PTPRD: variants seen among roughly 807,000 people sequenced by gnomAD.
The protein encoded by PTPRD is protein tyrosine phosphatase receptor type D, also known as receptor-type tyrosine-protein phosphatase delta.
Under a neutral mutation model 214.5 loss-of-function variants are expected in PTPRD, and 34 were observed. The observed-to-expected ratio is 0.16, with a 90% CI of 0.12 to 0.21. PTPRD has a LOEUF of 0.21. Ranked by LOEUF, PTPRD falls within the 10% of genes least tolerant of loss-of-function variation. The probability of loss-of-function intolerance (pLI) is 1.00; values close to 1 mark genes in which losing one functional copy is unlikely to be tolerated. For missense variants in PTPRD, 2,545 were observed against 2,398.7 expected (o/e 1.06, Z -1.27); for synonymous variants, 1,128 against 845.7 (o/e 1.33, Z -5.79).
chr9:8,701,807 C>T (rs766757209), intron 12 of PTPRD, among the ~76,000 whole-genome samples: 40 of 152,228 alleles, frequency 2.6e-4, no homozygotes, highest in South Asian at 1.0e-3. Flanking sequence ...TCAGTTACTG[C>T]CACCATTAAA....
intron 5 of PTPRD, among the ~76,000 whole-genome samples, chr9:9,824,781 G>C (rs1451914268): frequency 6.6e-6 from 1 of 152,042 alleles, no homozygotes; most frequent in African/African-American, 2.4e-5. Flanking sequence ...TTCAATACAA[G>C]TTGTATTAAT....
intron 6 of PTPRD, among the ~76,000 whole-genome samples, chr9:9,755,819 T>C (rs981657941): frequency 6.6e-5 from 10 of 152,040 alleles, no homozygotes; most frequent in African/African-American, 2.4e-4. Context: ...ATTATTCAAT[T>C]TATATAAAAT....
chr9:8,331,909 CCACACT>C (rs1841649810), intron 43 of PTPRD, among the ~76,000 whole-genome samples, 173 bp from the exon 44 acceptor site: 1 of 150,712 alleles, frequency 6.6e-6, no homozygotes, highest in African/African-American at 2.5e-5. Context: ...TAAATATTGT[CCACACT>C]CACATACCTT....
intron 5 of PTPRD, among the ~76,000 whole-genome samples, chr9:9,920,992 A>G (rs560744481): frequency 3.3e-4 from 50 of 152,210 alleles, no homozygotes; most frequent in African/African-American, 1.2e-3. Flanking sequence ...AAGGCTTATC[A>G]ATTCATTACT....
At chr9:10,547,403 T>C (rs833454) in intron 2 of PTPRD, among the ~76,000 whole-genome samples, 20,769 of 151,868 alleles carry the variant, frequency 0.14, 2,101 homozygotes, top group East Asian at 0.5. Context: ...CTCCAGTAGA[T>C]ACACAAAGAT....
chr9:9,712,666 G>C (rs553974662), intron 7 of PTPRD, among the ~76,000 whole-genome samples: 58 of 152,184 alleles, frequency 3.8e-4, no homozygotes, highest in Middle Eastern at 6.8e-3. Context: ...AACTACAATG[G>C]ATTATAATAC....
At chr9:9,624,984 A>G (rs1465421710) in intron 7 of PTPRD, among the ~76,000 whole-genome samples, 2 of 152,224 alleles carry the variant, frequency 1.3e-5, no homozygotes, top group African/African-American at 4.8e-5. Context: ...AGAAAAATAA[A>G]TACTTGCCTT....
At chr9:9,388,005 C>G (rs1015944444) in intron 9 of PTPRD, among the ~76,000 whole-genome samples, 3 of 152,144 alleles carry the variant, frequency 2.0e-5, no homozygotes, top group Admixed American at 1.3e-4. Context: ...AGAGGGATTT[C>G]TGTATCCCGG....
intron 8 of PTPRD, among the ~76,000 whole-genome samples, chr9:9,540,080 GA>G (rs1229158599): frequency 6.6e-6 from 1 of 151,596 alleles, no homozygotes. Flanking sequence ...ATTATACAAA[GA>G]AATCCACTAA....
intron 9 of PTPRD, among the ~76,000 whole-genome samples, chr9:9,326,950 C>T (rs4567093): frequency 0.74 from 112,429 of 151,796 alleles, 41,862 homozygotes; most frequent in East Asian, 0.91. Flanking sequence ...TAACAGTGTC[C>T]TAGTCACTAT....
At chr9:8,443,294 T>G (rs1013624748) in intron 34 of PTPRD, among the ~76,000 whole-genome samples, 22 of 152,218 alleles carry the variant, frequency 1.4e-4, no homozygotes, top group African/African-American at 4.6e-4. Context: ...GTCATATGCC[T>G]AAATTCCTTA....
At chr9:9,037,285 A>C (rs2099625041) in intron 10 of PTPRD, among the ~76,000 whole-genome samples, 3 of 152,142 alleles carry the variant, frequency 2.0e-5, no homozygotes, top group Non-Finnish European at 2.9e-5. Context: ...CTGATTTGTC[A>C]AAAGTTTCGC....
chr9:9,165,443 A>G (rs1209250637), intron 10 of PTPRD, among the ~76,000 whole-genome samples: 1 of 152,216 alleles, frequency 6.6e-6, no homozygotes, highest in Non-Finnish European at 1.5e-5. Context: ...AGGTGAAGAC[A>G]TAATTAGAGC....
chr9:8,875,047 T>C (rs1321139069), intron 11 of PTPRD, among the ~76,000 whole-genome samples: 1 of 152,166 alleles, frequency 6.6e-6, no homozygotes, highest in Non-Finnish European at 1.5e-5. Flanking sequence ...TGCACAACCA[T>C]ACATGGATGC....
chr9:9,679,835 C>T (rs1173546873), intron 7 of PTPRD, among the ~76,000 whole-genome samples: 1 of 151,792 alleles, frequency 6.6e-6, no homozygotes, highest in African/African-American at 2.4e-5. Flanking sequence ...AGAAAATCTG[C>T]CAATCTTCCT....
chr9:10,036,123 C>T (rs1045472504), intron 3 of PTPRD, among the ~76,000 whole-genome samples: 3 of 152,026 alleles, frequency 2.0e-5, no homozygotes, highest in Admixed American at 2.0e-4. Flanking sequence ...CAAATAAACG[C>T]AGTATTAGGT....
chr9:9,780,613 C>A (rs1457251484), intron 5 of PTPRD, among the ~76,000 whole-genome samples: 1 of 152,122 alleles, frequency 6.6e-6, no homozygotes, highest in East Asian at 1.9e-4. Context: ...ATGGCACAGG[C>A]ACTTTGGAAG....
intron 34 of PTPRD, among the ~76,000 whole-genome samples, chr9:8,438,213 A>T (rs1320629051): frequency 6.6e-6 from 1 of 152,206 alleles, no homozygotes. Flanking sequence ...GTCACCCAGT[A>T]AGTTCCTTTA....
At chr9:9,818,835 G>A (rs10978006) in intron 5 of PTPRD, among the ~76,000 whole-genome samples, 3,710 of 144,694 alleles carry the variant, frequency 0.026, 59 homozygotes, top group Middle Eastern at 0.059. Context: ...AAAATTGCTT[G>A]AAACTGGGAG....
Sources: gnomAD v4.1 joint callset for allele counts (sites outside exome capture counted in the v4.1 genomes callset) on GRCh38, gnomAD v4.1.1 for gene constraint, MANE v1.5 for transcripts, NCBI Gene and HGNC (gene_info 2026-07-23, HGNC 2026-07-21) for gene names.